Variants in KIAA0825 observed in about 807,000 individuals in gnomAD.
KIAA0825 encodes the protein KIAA0825, also known as uncharacterized protein KIAA0825.
In KIAA0825, 119 loss-of-function variants were observed where a neutral mutation model predicts 147.6. The ratio of observed to expected loss-of-function variants is 0.81; its 90% CI spans 0.69 to 0.94. KIAA0825 has a LOEUF of 0.94. Ranked by LOEUF, KIAA0825 falls within the 40% of genes least tolerant of loss-of-function variation. KIAA0825 has a pLI of 0.00. For synonymous variants in KIAA0825, 470 were observed against 518.1 expected, an observed-to-expected ratio of 0.91 and a Z score of 1.26; for missense variants, 1,381 against 1,472.7, an observed-to-expected ratio of 0.94 and a Z score of 1.02.
At chr5:94,544,686 C>G (rs1773982782) in intron 2 of KIAA0825, among the ~76,000 whole-genome samples, 2 of 152,124 alleles carry the variant, frequency 1.3e-5, no homozygotes, top group African/African-American at 2.4e-5. Context: ...GCTTAGTCCT[C>G]TATCTTCAGA....
chr5:94,378,347 C>A (rs1298796273), intron 20 of KIAA0825, among the ~76,000 whole-genome samples: 2 of 152,170 alleles, frequency 1.3e-5, no homozygotes, highest in Non-Finnish European at 2.9e-5. Context: ...CATGTGAGAA[C>A]AAGCAGTATT....
intron 20 of KIAA0825, among the ~76,000 whole-genome samples, chr5:94,175,162 A>C (rs1768973923): frequency 6.6e-6 from 1 of 152,198 alleles, no homozygotes; most frequent in Non-Finnish European, 1.5e-5. Context: ...CAATTTAATT[A>C]GAAATTGGCC....
chr5:94,180,087 G>C (rs1167517800), intron 20 of KIAA0825, among the ~76,000 whole-genome samples: 2 of 151,962 alleles, frequency 1.3e-5, no homozygotes, highest in East Asian at 3.9e-4. Flanking sequence ...AATTATAAAA[G>C]AAAAATAATA....
chr5:94,505,995 T>C (rs1240838329), intron 5 of KIAA0825, among the ~76,000 whole-genome samples: 4 of 152,238 alleles, frequency 2.6e-5, no homozygotes, highest in Non-Finnish European at 5.9e-5. Flanking sequence ...CTATTGACTA[T>C]TGTCCCCAGG....
chr5:94,529,256 A>ATG (rs1357806814), intron 3 of KIAA0825, among the ~76,000 whole-genome samples: 2 of 136,794 alleles, frequency 1.5e-5, no homozygotes, highest in African/African-American at 6.0e-5. Flanking sequence ...ATATATATGT[A>ATG]TATATCATAT....
At chr5:94,615,047 A>T (rs1790053940) in intron 1 of KIAA0825, among the ~76,000 whole-genome samples, 4 of 151,356 alleles carry the variant, frequency 2.6e-5, no homozygotes, top group African/African-American at 7.3e-5. Context: ...TCAGTGACTT[A>T]TTAGTGTCAT....
At chr5:94,394,896 T>G (rs1042706037) in intron 17 of KIAA0825, among the ~76,000 whole-genome samples, 1 of 152,144 alleles carries the variant, frequency 6.6e-6, no homozygotes, top group African/African-American at 2.4e-5. Context: ...TTTCTAGAGG[T>G]CAGTATGATG....
At chr5:94,212,544 A>C (rs946366346) in intron 20 of KIAA0825, among the ~76,000 whole-genome samples, 1 of 152,198 alleles carries the variant, frequency 6.6e-6, no homozygotes, top group African/African-American at 2.4e-5. Flanking sequence ...AAAGACCTTA[A>C]TTACTCATGG....
chr5:94,473,796 A>G (rs985662649), intron 7 of KIAA0825, among the ~76,000 whole-genome samples: 2 of 152,238 alleles, frequency 1.3e-5, no homozygotes, highest in East Asian at 1.9e-4. Flanking sequence ...TCTCTTAAAT[A>G]TAGTTCAATA....
At chr5:94,176,083 A>C (rs1018366619) in intron 20 of KIAA0825, among the ~76,000 whole-genome samples, 1 of 152,076 alleles carries the variant, frequency 6.6e-6, no homozygotes, top group Non-Finnish European at 1.5e-5. Flanking sequence ...TTGATCCCCA[A>C]TGTGGCAGTG....
At position 94,484,912 on chromosome 5, in the gene KIAA0825, T is replaced by C. The variant is rs1362541626; in HGVS notation, c.989A>G (p.Gln330Arg). 1 of 1,515,972 alleles carries C rather than the reference T, an allele frequency of 6.6e-7. No homozygotes were observed. Among genetic ancestry groups the C allele is most frequent in the Admixed American group, 2.0e-5 (1 of 49,264 alleles). The allele number at this position is 1,515,972 out of a possible 1,614,324, so 93.9% of individuals were successfully genotyped here. ...AGGGAGAGAGAAGTTTCTTCCTTTC[T>C]GTGGGCATTCAGTAGTAACTGTGAA... ...VHALVTTECP[Q>R]KGRNFSLPLD... is the part of the protein sequence containing the mutation. The change falls in exon 6 of 21, where the codon CAG (glutamine) becomes CGG (arginine). Residue 330 changes from glutamine (Q) to arginine (R), a missense_variant. Coordinates refer to ENST00000682413, the MANE Select transcript of KIAA0825 (RefSeq NM_001145678.3).
intron 1 of KIAA0825, among the ~76,000 whole-genome samples, chr5:94,586,179 T>C (rs570453330): frequency 3.2e-4 from 48 of 151,678 alleles, no homozygotes; most frequent in African/African-American, 1.1e-3. Flanking sequence ...AGACAAGAAA[T>C]AACTAAGATC....
rs193025132 is a variant in KIAA0825, at chr5:94,550,479, A to G, written c.-1-13352T>C. Reference sequence around the variant, plus strand: ...CTACTCCATTAAATTGGAAGAGGCAACTATTACATCAGATGTGAAGAAATC... The same window carrying G: ...CTACTCCATTAAATTGGAAGAGGCAGCTATTACATCAGATGTGAAGAAATC... On this transcript the variant is annotated intron_variant, in intron 2 of 20. Transcript: ENST00000682413. Among the ~76,000 whole-genome samples the G allele has an allele frequency of 5.9e-5, 9 of 152,336 alleles. No homozygotes were observed. In the East Asian group the frequency reaches 1.7e-3, roughly 29 times the overall value.
At chr5:94,190,722 C>G (rs550089357) in intron 20 of KIAA0825, among the ~76,000 whole-genome samples, 11 of 150,064 alleles carry the variant, frequency 7.3e-5, no homozygotes, top group African/African-American at 2.7e-4. Context: ...ATTTTTTTTT[C>G]TCCTATACTA....
chr5:94,256,169 T>A (rs1435490502), intron 20 of KIAA0825, among the ~76,000 whole-genome samples: 1 of 152,146 alleles, frequency 6.6e-6, no homozygotes, highest in Non-Finnish European at 1.5e-5. Context: ...GTCTTAACAC[T>A]AATGTGATTC....
chr5:94,594,288 C>A, intron 1 of KIAA0825: 1 of 637,416 alleles, frequency 1.6e-6, no homozygotes, highest in Non-Finnish European at 3.1e-6. Flanking sequence ...GTTTCAGATC[C>A]CATGGTTTCT....
Position 94,473,345 on chromosome 5 carries a change from A to G in KIAA0825, c.1402T>C (p.Trp468Arg). The change falls in exon 8 of 21, where the codon TGG becomes CGG. Residue 468 changes from tryptophan to arginine, a missense_variant. Physicochemically the swap from Trp to Arg is moderately radical, Grantham distance 101. Coordinates refer to ENST00000682413, the MANE Select transcript of KIAA0825 (RefSeq NM_001145678.3). ...AMNLVNVQQV[W>R]QDSHMFPEEE... ...TCAGGAAACATATGGCTGTCTTGCCAAACTTGCTGGACATTTACAAGGTTC... is the reference window on the plus strand; with the variant it reads ...TCAGGAAACATATGGCTGTCTTGCCGAACTTGCTGGACATTTACAAGGTTC... The G allele has an allele frequency of 6.4e-7, 1 of 1,551,808 alleles. No homozygotes were observed. Among genetic ancestry groups the G allele is most frequent in the Non-Finnish European group, 8.7e-7 (1 of 1,147,020 alleles).
At chr5:94,455,935 T>A (rs924043181) in intron 12 of KIAA0825, among the ~76,000 whole-genome samples, 2 of 152,048 alleles carry the variant, frequency 1.3e-5, no homozygotes, top group African/African-American at 4.8e-5. Flanking sequence ...TCTCTAAAAG[T>A]GTACCAGAGT....
intron 17 of KIAA0825, among the ~76,000 whole-genome samples, chr5:94,394,375 A>T (rs1363663330): frequency 3.9e-5 from 6 of 152,142 alleles, no homozygotes; most frequent in Non-Finnish European, 8.8e-5. Context: ...GCTGTACTGC[A>T]TTTTTTAAGT....
Sources: gnomAD v4.1 joint callset for allele counts (sites outside exome capture counted in the v4.1 genomes callset) on GRCh38, gnomAD v4.1.1 for gene constraint, MANE v1.5 for transcripts, NCBI Gene and HGNC (gene_info 2026-07-23, HGNC 2026-07-21) for gene names.